The following HEG1 variants were observed in gnomAD, a reference collection of about 807,000 sequenced individuals.
HEG1 encodes the protein heart development protein with EGF like domains 1, also known as protein HEG homolog 1.
A neutral mutation model predicts 125.6 loss-of-function variants in HEG1; 56 were observed. The observed-to-expected ratio is 0.45, with a 90% CI of 0.36 to 0.56. The LOEUF (loss-of-function observed/expected upper bound fraction) is 0.56. HEG1 is among the 20% of genes least tolerant of loss of function. The probability of loss-of-function intolerance (pLI) is 0.00; values close to 1 mark genes in which losing one functional copy is unlikely to be tolerated. For missense variants in HEG1, 1,523 were observed against 1,670.0 expected (o/e 0.91, Z 1.53); for synonymous variants, 644 against 668.5 (o/e 0.96, Z 0.57).
intron 1 of HEG1, among the ~76,000 whole-genome samples, chr3:125,031,500 T>C (rs1937497380): frequency 6.6e-6 from 1 of 152,162 alleles, no homozygotes; most frequent in Non-Finnish European, 1.5e-5. Context: ...AAATGTTATT[T>C]CTCTTTCTGT....
chr3:125,039,801 T>C (rs1427020356), intron 1 of HEG1, among the ~76,000 whole-genome samples: 3 of 139,256 alleles, frequency 2.2e-5, no homozygotes, highest in Admixed American at 7.9e-5. Flanking sequence ...GCTTATTCCA[T>C]GAGGCTTTAA....
chr3:125,008,157 G>A (rs1026387648), intron 8 of HEG1, among the ~76,000 whole-genome samples: 4 of 152,120 alleles, frequency 2.6e-5, no homozygotes, highest in Admixed American at 6.5e-5. Flanking sequence ...TGATCAGCCC[G>A]CCTCAGCCTG....
chr3:125,002,099 C>G (rs1937009926), intron 10 of HEG1, 87 bp from the exon 11 acceptor site: 1 of 1,538,028 alleles, frequency 6.5e-7, no homozygotes, highest in Non-Finnish European at 9.0e-7. Flanking sequence ...TCGCCATTCA[C>G]CAGTGACGGG....
At position 125,039,330 on chromosome 3, in the gene HEG1, C is replaced by T. The variant is rs192705147; in HGVS notation, c.317-9842G>A. On this transcript the variant is annotated intron_variant, in intron 1 of 16. Coordinates refer to ENST00000311127, the MANE Select transcript of HEG1 (RefSeq NM_020733.2). The stretch of plus-strand genomic sequence containing the variant: ...CTGCTACAGAGTCAACTCCTTGCCA[C>T]CCCCCACTCCCTGCCAGTGATTTGG... Among the ~76,000 whole-genome samples, 494 of 152,226 alleles carry T rather than the reference C, an allele frequency of 3.2e-3. 2 individuals are homozygous for T. The highest frequency in any genetic ancestry group is 0.011 in the African/African-American group (458 of 41,530).
chr3:125,016,540 T>G (rs1289803260), intron 5 of HEG1, among the ~76,000 whole-genome samples: 1 of 152,174 alleles, frequency 6.6e-6, no homozygotes, highest in Non-Finnish European at 1.5e-5. Context: ...CCCACAGTAG[T>G]GAGGGTGAAA....
rs922295156 is a variant in HEG1 at position 125,029,120 on chromosome 3, T to C, written c.610+75A>G. The C allele has an allele frequency of 4.1e-6, 6 of 1,478,500 alleles. No individual in the cohort carries two copies. The African/African-American group carries it at 6.9e-5, about 17-fold the overall frequency. 91.6% of individuals were successfully genotyped at this position (1,478,500 alleles called of 1,614,324 possible). ...GGCACAATGGCTCAGAATGGGGTTG[T>C]GGGGAATGGCAGAAACTTTGTTTTC... is the stretch of plus-strand genomic sequence containing the variant. On this transcript the variant is annotated intron_variant, in intron 2 of 16. Coordinates refer to ENST00000311127, the MANE Select transcript of HEG1 (RefSeq NM_020733.2).
intron 9 of HEG1, 149 bp from the exon 10 acceptor site, chr3:125,002,464 T>A: frequency 1.6e-6 from 1 of 641,890 alleles, no homozygotes; most frequent in South Asian, 2.0e-5. Context: ...GTCCTTTTTT[T>A]GTTCCCCTCT....
intron 14 of HEG1, among the ~76,000 whole-genome samples, chr3:124,978,737 G>T (rs1253998672): frequency 6.6e-6 from 1 of 151,492 alleles, no homozygotes; most frequent in African/African-American, 2.4e-5. Context: ...GGAGACCGAG[G>T]TTGCTGTGAG....
At chr3:125,038,542 C>T (rs1224204863) in intron 1 of HEG1, among the ~76,000 whole-genome samples, 3 of 152,226 alleles carry the variant, frequency 2.0e-5, no homozygotes, top group Admixed American at 2.0e-4. Flanking sequence ...CTGTGAACAT[C>T]CAAGCGCTTT....
chr3:125,045,904 C>T (rs1219229519), intron 1 of HEG1, among the ~76,000 whole-genome samples: 1 of 152,168 alleles, frequency 6.6e-6, no homozygotes, highest in Non-Finnish European at 1.5e-5. Context: ...ATGACTTGCC[C>T]AAGGTCATGG....
chr3:125,036,276 AC>A (rs1937546979), intron 1 of HEG1, among the ~76,000 whole-genome samples: 1 of 151,554 alleles, frequency 6.6e-6, no homozygotes, highest in Non-Finnish European at 1.5e-5. Flanking sequence ...TTGGAATGAT[AC>A]AAAATTGTCA....
intron 11 of HEG1, among the ~76,000 whole-genome samples, chr3:124,999,081 C>T (rs1372570425): frequency 2.0e-5 from 3 of 152,168 alleles, no homozygotes; most frequent in Non-Finnish European, 2.9e-5. Context: ...GAGCTGCCAC[C>T]CCACATGGGG....
Position 125,020,818 on chromosome 3 carries a change from G to C in HEG1, c.1226C>G (p.Ser409Cys). The stretch of plus-strand genomic sequence containing the variant: ...TGGGGAATCATTTTGCCAACGCAAA[G>C]ACGTAAGTCCAAATTCATTTTCTGT... ...PSTENEFGLTSLRWQNDSPTF... is the reference protein window; with the variant it reads ...PSTENEFGLTCLRWQNDSPTF... Residue 409 changes from serine (S) to cysteine (C), a missense_variant, in exon 4 of 17, where the codon TCT becomes TGT. Transcript: ENST00000311127. The C allele has an allele frequency of 6.2e-7, 1 of 1,613,664 alleles. No individual in the cohort carries two copies. Among genetic ancestry groups the C allele is most frequent in the South Asian group, 1.1e-5 (1 of 91,056 alleles).
rs373727791 is a variant in HEG1 at position 124,997,774 on chromosome 3, G to A, written c.3567C>T (p.Ser1189=). 6.9e-6 allele frequency: 11 copies of A among 1,598,354 alleles called. No homozygotes were observed. The African/African-American group carries it at 1.3e-4, about 19-fold the overall frequency. ...CAACGCCGTCCAGGTCAGTGCAGAT[G>A]GAGGTGTCTTTGTCACATTCGGGAC... ...RKSPECDKDT[S]ICTDLDGVAL... Residue 1189 remains serine, a synonymous_variant, in exon 12 of 17, where the codon TCC becomes TCT. Coordinates refer to ENST00000311127, the MANE Select transcript of HEG1 (RefSeq NM_020733.2).
chr3:124,990,609 G>A (rs1405641541), intron 14 of HEG1, among the ~76,000 whole-genome samples, 178 bp downstream of exon 14: 1 of 152,182 alleles, frequency 6.6e-6, no homozygotes, highest in Non-Finnish European at 1.5e-5. Context: ...AAAGTGCTGG[G>A]ATTACAGGCG....
At chr3:125,053,731 G>A (rs1302149840) in intron 1 of HEG1, among the ~76,000 whole-genome samples, 2 of 152,174 alleles carry the variant, frequency 1.3e-5, no homozygotes, top group East Asian at 3.8e-4. Context: ...AACTGGGAAA[G>A]CCACAAAACC....
chr3:124,970,588 C>T lies in HEG1; in HGVS notation c.*64G>A, dbSNP rs1380573965. The T allele has an allele frequency of 9.8e-6, 14 of 1,433,412 alleles. No homozygotes were observed. Among genetic ancestry groups the T allele is most frequent in the South Asian group, 2.6e-5 (2 of 78,264 alleles). 88.8% of individuals were successfully genotyped at this position (1,433,412 alleles called of 1,614,324 possible). On this transcript the variant is annotated 3_prime_UTR_variant, in exon 17 of 17. Coordinates refer to ENST00000311127, the MANE Select transcript of HEG1 (RefSeq NM_020733.2). ...AAATCCTGGGCGCAGCCTCCTGGTG[C>T]GGTCCTCTGAGCAGAGGTCCCAGGT... is the stretch of plus-strand genomic sequence containing the variant.
At chr3:124,982,444 G>T (rs1006112514) in intron 14 of HEG1, among the ~76,000 whole-genome samples, 2 of 152,178 alleles carry the variant, frequency 1.3e-5, no homozygotes, top group East Asian at 3.9e-4. Context: ...TGTCATCTTA[G>T]GCTTGTCCTA....
chr3:124,986,239 T>C (rs753054059), intron 14 of HEG1, among the ~76,000 whole-genome samples: 4 of 152,310 alleles, frequency 2.6e-5, no homozygotes, highest in East Asian at 1.9e-4. Context: ...CCCAGCCTCA[T>C]TGGGCTTGGG....
Sources: allele counts gnomAD v4.1 joint callset (sites outside exome capture counted in the v4.1 genomes callset), GRCh38; gene constraint gnomAD v4.1.1; transcripts MANE v1.5; gene names NCBI Gene and HGNC (gene_info 2026-07-23, HGNC 2026-07-21).